PEAK1: variants seen among roughly 807,000 people sequenced by gnomAD.
PEAK1 encodes the protein inactive tyrosine-protein kinase PEAK1.
PEAK1 carries 54 observed loss-of-function variants against 124.7 expected under a neutral mutation model. That is an observed-to-expected ratio of 0.43 (90% CI 0.35 to 0.54). The LOEUF (loss-of-function observed/expected upper bound fraction) is 0.54. Among genes scored for constraint, PEAK1 ranks in the 20% least tolerant of loss-of-function variants. The probability of loss-of-function intolerance (pLI) is 0.01; values close to 1 mark genes in which losing one functional copy is unlikely to be tolerated. For missense variants in PEAK1, 2,046 were observed against 2,134.5 expected, an observed-to-expected ratio of 0.96 and a Z score of 0.82; for synonymous variants, 719 against 760.0, an observed-to-expected ratio of 0.95 and a Z score of 0.89.
intron 9 of PEAK1, among the ~76,000 whole-genome samples, chr15:77,117,842 T>C (rs946243180): frequency 1.3e-4 from 20 of 152,334 alleles, no homozygotes; most frequent in African/African-American, 4.6e-4. Flanking sequence ...GGTATTCTAA[T>C]TGTGACTCGT....
At chr15:77,404,110 G>A (rs780558657) in intron 1 of PEAK1, 1 of 984,930 alleles carries the variant, frequency 1.0e-6, no homozygotes, top group African/African-American at 1.7e-5. Context: ...TAGGCCTTTA[G>A]ACAACTACAA....
intron 6 of PEAK1, among the ~76,000 whole-genome samples, chr15:77,250,968 G>C (rs953850193): frequency 6.6e-6 from 1 of 152,192 alleles, no homozygotes; most frequent in African/African-American, 2.4e-5. Flanking sequence ...ACATGAAACA[G>C]GTTCTGCATT....
At chr15:77,227,322 G>C (rs1360937278) in intron 6 of PEAK1, among the ~76,000 whole-genome samples, 2 of 152,076 alleles carry the variant, frequency 1.3e-5, no homozygotes, top group Admixed American at 6.6e-5. Context: ...ACAAATAAGG[G>C]GGGTGGAGTA....
At chr15:77,420,733 T>C, upstream of PEAK1, 3 of 396,764 alleles carry the variant, frequency 7.6e-6, no homozygotes, top group Non-Finnish European at 1.3e-5. Flanking sequence ...TTCATTTTTG[T>C]GAAGGTACCG....
At chr15:77,182,076 AAAAAGGC>A in intron 6 of PEAK1, 36 bp from the exon 7 acceptor site, 1 of 1,360,106 alleles carries the variant, frequency 7.4e-7, no homozygotes, top group Admixed American at 3.4e-5. Flanking sequence ...AATCTGAATG[AAAAAGGC>A]ACTATGAGAC....
At chr15:77,342,972 TACTC>T (rs1463194291) in intron 2 of PEAK1, among the ~76,000 whole-genome samples, 2 of 152,210 alleles carry the variant, frequency 1.3e-5, no homozygotes, top group African/African-American at 4.8e-5. Flanking sequence ...TTTGAAAACT[TACTC>T]AGCAGTGGCA....
chr15:77,315,869 G>A (rs2064840039), intron 2 of PEAK1, among the ~76,000 whole-genome samples: 1 of 152,018 alleles, frequency 6.6e-6, no homozygotes, highest in Admixed American at 6.6e-5. Context: ...TGTAAGTGTG[G>A]TATCCTAGAT....
intron 5 of PEAK1, among the ~76,000 whole-genome samples, chr15:77,260,213 T>A (rs1342513139): frequency 6.6e-6 from 1 of 152,174 alleles, no homozygotes; most frequent in Non-Finnish European, 1.5e-5. Flanking sequence ...CCACTCTAGA[T>A]ATGCCTGAAA....
chr15:77,371,109 C>T (rs1203397760), intron 1 of PEAK1: 9 of 951,690 alleles, frequency 9.5e-6, no homozygotes. Flanking sequence ...GACTTTAAGG[C>T]TGAATTATGT....
intron 8 of PEAK1, among the ~76,000 whole-genome samples, chr15:77,143,113 T>G (rs1273961851): frequency 6.6e-6 from 1 of 152,204 alleles, no homozygotes; most frequent in East Asian, 1.9e-4. Flanking sequence ...ACTGAATGTT[T>G]CCTGTGATGG....
chr15:77,242,692 G>A (rs2060412721), intron 6 of PEAK1, among the ~76,000 whole-genome samples: 1 of 152,090 alleles, frequency 6.6e-6, no homozygotes, highest in South Asian at 2.1e-4. Context: ...AGTAGTTGCA[G>A]GTATGGTTTG....
chr15:77,372,973 C>G (rs886729879), intron 1 of PEAK1, among the ~76,000 whole-genome samples: 5 of 152,198 alleles, frequency 3.3e-5, no homozygotes, highest in African/African-American at 1.2e-4. Context: ...TCCTATACAA[C>G]CCGAGGAACC....
chr15:77,276,907 A>G (rs1460735880), intron 5 of PEAK1, among the ~76,000 whole-genome samples: 1 of 152,144 alleles, frequency 6.6e-6, no homozygotes, highest in African/African-American at 2.4e-5. Flanking sequence ...AAGGGAGCAA[A>G]AGTTTCTATA....
intron 1 of PEAK1, chr15:77,418,953 T>C: frequency 2.0e-6 from 2 of 985,372 alleles, no homozygotes; most frequent in Non-Finnish European, 2.4e-6. Flanking sequence ...AAAAATAGTC[T>C]TTTATGTAAG....
chr15:77,372,865 CCT>C (rs144774435), intron 1 of PEAK1, among the ~76,000 whole-genome samples: 51 of 149,602 alleles, frequency 3.4e-4, no homozygotes, highest in Non-Finnish European at 3.4e-4. Context: ...GCACCTTCCT[CCT>C]CTCTCTCTCT....
chr15:77,299,781 T>C (rs2063694372), intron 2 of PEAK1, among the ~76,000 whole-genome samples: 1 of 152,246 alleles, frequency 6.6e-6, no homozygotes, highest in African/African-American at 2.4e-5. Context: ...CTAGGAATCA[T>C]GGAATTAGAA....
intron 2 of PEAK1, among the ~76,000 whole-genome samples, chr15:77,357,171 G>A (rs1414585508): frequency 6.6e-6 from 1 of 152,248 alleles, no homozygotes; most frequent in Non-Finnish European, 1.5e-5. Context: ...CTTGGGAGGT[G>A]AAGTGGGAGG....
intron 8 of PEAK1, among the ~76,000 whole-genome samples, chr15:77,152,814 C>A (rs896878404): frequency 2.8e-4 from 43 of 152,204 alleles, no homozygotes; most frequent in African/African-American, 9.9e-4. Flanking sequence ...AATGTTGAAC[C>A]AGCCTTGCAT....
intron 5 of PEAK1, among the ~76,000 whole-genome samples, chr15:77,279,699 C>T (rs953370511): frequency 9.9e-5 from 15 of 152,182 alleles, no homozygotes; most frequent in African/African-American, 3.6e-4. Context: ...TTTATAGTGG[C>T]TTTCTGATTT....
Sources: gnomAD v4.1 joint callset for allele counts (sites outside exome capture counted in the v4.1 genomes callset) on GRCh38, gnomAD v4.1.1 for gene constraint, MANE v1.5 for transcripts, NCBI Gene and HGNC (gene_info 2026-07-23, HGNC 2026-07-21) for gene names.